DST: variants seen among roughly 807,000 people sequenced by gnomAD.
DST encodes bullous pemphigoid antigen.
DST carries 253 observed loss-of-function variants against 875.2 expected under a neutral mutation model. That is an observed-to-expected ratio of 0.29 (90% confidence interval 0.26 to 0.32). The LOEUF is 0.32. Ranked by LOEUF, DST falls within the 10% of genes least tolerant of loss-of-function variation. DST has a pLI of 1.00. For missense variants in DST, 8,287 were observed against 9,111.6 expected (o/e 0.91, Z 3.68); for synonymous variants, 3,124 against 3,197.1 (o/e 0.98, Z 0.77).
intron 3 of DST, among the ~76,000 whole-genome samples, chr6:56,885,709 AC>A (rs1250026866): frequency 1.3e-5 from 2 of 152,240 alleles, no homozygotes; most frequent in African/African-American, 4.8e-5. Context: ...GGATGCAGAA[AC>A]AAGGTGTCAT....
At chr6:56,620,257 T>C (rs563602953) in intron 36 of DST, 1 of 1,614,182 alleles carries the variant, frequency 6.2e-7, no homozygotes, top group Non-Finnish European at 8.5e-7. Context: ...GACTTAAATC[T>C]TTTCTTTTAA....
rs2097354000 is a variant in DST, at chr6:56,553,623, C to T, written c.15169G>A (p.Ala5057Thr). ...NHVQHLQSACASSHQFQQMSR... is the reference protein window; with the variant it reads ...NHVQHLQSACTSSHQFQQMSR... Reference sequence around the variant, plus strand: ...ATTTGCTGAAATTGATGAGAGCTTGCACAGGCCGACTGAAGGTGCTGGACA... The same window carrying T: ...ATTTGCTGAAATTGATGAGAGCTTGTACAGGCCGACTGAAGGTGCTGGACA... The change falls in exon 61 of 104, where the codon GCA (alanine) becomes ACA (threonine). Residue 5057 changes from alanine to threonine, a missense_variant. Transcript: ENST00000680361. 2 of 1,613,458 alleles carry T rather than the reference C, an allele frequency of 1.2e-6. No homozygotes were observed. Among genetic ancestry groups the T allele is most frequent in the African/African-American group, 2.7e-5 (2 of 75,038 alleles).
At chr6:56,723,142 C>T (rs1016885762) in intron 5 of DST, among the ~76,000 whole-genome samples, 1 of 152,158 alleles carries the variant, frequency 6.6e-6, no homozygotes, top group Non-Finnish European at 1.5e-5. Flanking sequence ...TTCTGGGGGG[C>T]TGGCCCAAGA....
intron 4 of DST, among the ~76,000 whole-genome samples, chr6:56,811,715 T>C (rs1377671321): frequency 1.3e-5 from 2 of 152,160 alleles, no homozygotes. Context: ...ATCTGATATA[T>C]CAATGTCAAG....
chr6:56,631,357 A>C lies in DST; in HGVS notation c.3996T>G (p.Asp1332Glu). 6.2e-7 allele frequency: 1 copy of C among 1,614,002 alleles called. No individual in the cohort carries two copies. Among genetic ancestry groups the C allele is most frequent in the Non-Finnish European group, 8.5e-7 (1 of 1,179,936 alleles). ...ACTTATTTGTGATTGTTCCCAAATCATCTTTAAGTCGTTCCAGCTCTTTCT... is the reference window on the plus strand; with the variant it reads ...ACTTATTTGTGATTGTTCCCAAATCCTCTTTAAGTCGTTCCAGCTCTTTCT... ...KLKKELERLKDDLGTITNKCE... is the reference protein window; with the variant it reads ...KLKKELERLKEDLGTITNKCE... Residue 1332 changes from aspartate (D) to glutamate (E), a missense_variant, in exon 30 of 104, where the codon GAT becomes GAG. Asp to Glu is a conservative substitution (Grantham distance 45). Around this residue, in one of 10 missense-constraint regions of DST, gnomAD observed 3,138 missense variants for 3,116.6 expected, o/e 1.01. Coordinates refer to ENST00000680361, the MANE Select transcript of DST (RefSeq NM_001374736.1).
intron 4 of DST, among the ~76,000 whole-genome samples, chr6:56,782,552 G>A (rs1296622676): frequency 1.3e-5 from 2 of 152,198 alleles, no homozygotes; most frequent in Non-Finnish European, 2.9e-5. Context: ...TTGTATTTCT[G>A]TGGGATTGGT....
At chr6:56,939,486 T>C (rs969588928) in intron 2 of DST, among the ~76,000 whole-genome samples, 28 of 152,108 alleles carry the variant, frequency 1.8e-4, no homozygotes, top group African/African-American at 6.5e-4. Flanking sequence ...GATGAATGGA[T>C]GGATACGTGA....
chr6:56,757,249 G>A (rs1028275993), intron 4 of DST, among the ~76,000 whole-genome samples: 1 of 152,280 alleles, frequency 6.6e-6, no homozygotes, highest in African/African-American at 2.4e-5. Context: ...CTGACAGTCT[G>A]TACATGGCAT....
chr6:56,804,481 C>T (rs554257105), intron 4 of DST, among the ~76,000 whole-genome samples: 7 of 152,212 alleles, frequency 4.6e-5, no homozygotes, highest in Admixed American at 2.6e-4. Flanking sequence ...TATTATATTG[C>T]TTGCTCCAAA....
rs758532940 is a variant in DST, at chr6:56,572,802, A to G, written c.13499T>C (p.Leu4500Pro). The part of the protein sequence containing the change: ...QTFLETKTQA[L>P]TEVDVPGKDV... ...TTTTCCTGGCACATCTACTTCAGTA[A>G]GAGCCTGAGTTTTTGTTTCTAAAAA... Residue 4500 changes from leucine to proline, a missense_variant, in exon 52 of 104, where the codon CTT becomes CCT. Physicochemically the swap from Leu to Pro is moderately conservative, Grantham distance 98. Around this residue, in one of 10 missense-constraint regions of DST, gnomAD observed 1,513 missense variants for 1,677.8 expected, o/e 0.90. Transcript: ENST00000680361. 5.3e-5 allele frequency: 86 copies of G among 1,609,790 alleles called. No individual in the cohort carries two copies. The highest frequency in any genetic ancestry group is 3.3e-4 in the Middle Eastern group (2 of 6,052).
rs534784518 is a variant in DST, at chr6:56,590,390, AT to A, written c.12903+1791del. 3.0e-4 allele frequency among the ~76,000 whole-genome samples: 46 copies of A among 152,260 alleles called. 1 individual carries two copies. The South Asian group carries it at 9.1e-3, about 30-fold the overall frequency. ...ATATAGATCTAACTTAAAATGTGTT[AT>A]TTCTATTTTATGCATTTTCTATACT... On this transcript the variant is annotated intron_variant, in intron 49 of 103. Transcript: ENST00000680361.
chr6:56,813,506 C>T (rs2099763132), intron 4 of DST, among the ~76,000 whole-genome samples: 1 of 152,170 alleles, frequency 6.6e-6, no homozygotes, highest in Admixed American at 6.5e-5. Context: ...CCTAAAGAAA[C>T]TACAAAGAAA....
intron 55 of DST, among the ~76,000 whole-genome samples, chr6:56,564,691 T>G (rs930820447): frequency 6.6e-6 from 1 of 152,224 alleles, no homozygotes; most frequent in Non-Finnish European, 1.5e-5. Flanking sequence ...CCATTCACTA[T>G]GATATTGGCT....
At chr6:56,594,239 AACACCTGC>A in intron 47 of DST, 46 bp from the exon 48 acceptor site, 2 of 1,472,036 alleles carry the variant, frequency 1.4e-6, no homozygotes, top group South Asian at 2.9e-5. Flanking sequence ...GTAACGGGGT[AACACCTGC>A]AGGGAGCTCC....
chr6:56,618,431 T>C, intron 36 of DST: 1 of 1,614,224 alleles, frequency 6.2e-7, no homozygotes, highest in East Asian at 2.2e-5. Flanking sequence ...GCTCTTTTTT[T>C]GAATTTCACA....
chr6:56,485,220 C>A (rs1198690393), intron 88 of DST, 92 bp downstream of exon 88: 2 of 1,415,478 alleles, frequency 1.4e-6, no homozygotes, highest in African/African-American at 1.4e-5. Flanking sequence ...CTATAGTCTT[C>A]TGATTTTAAA....
At chr6:56,729,382 G>A (rs1449377241) in intron 5 of DST, among the ~76,000 whole-genome samples, 1 of 152,140 alleles carries the variant, frequency 6.6e-6, no homozygotes, top group Non-Finnish European at 1.5e-5. Flanking sequence ...CCTCAGGTTA[G>A]GAGTTCGAGA....
At chr6:56,496,953 G>A (rs1410558107) in intron 82 of DST, among the ~76,000 whole-genome samples, 1 of 151,914 alleles carries the variant, frequency 6.6e-6, no homozygotes, top group African/African-American at 2.4e-5. Flanking sequence ...TCATAGGTGG[G>A]AACTGAACAA....
chr6:56,853,681 AT>A (rs1039470116), intron 3 of DST, among the ~76,000 whole-genome samples: 3 of 152,098 alleles, frequency 2.0e-5, no homozygotes, highest in African/African-American at 7.2e-5. Flanking sequence ...TGTAGAGTAA[AT>A]TTTTTTAATG....
Sources: gnomAD v4.1 joint callset for allele counts (sites outside exome capture counted in the v4.1 genomes callset) on GRCh38, gnomAD v4.1.1 for gene constraint, gnomAD v4.1.1 regional missense constraint, MANE v1.5 for transcripts, NCBI Gene and HGNC (gene_info 2026-07-23, HGNC 2026-07-21) for gene names.